ASNS: variants seen among roughly 807,000 people sequenced by gnomAD.
The protein encoded by ASNS is asparagine synthetase [glutamine-hydrolyzing].
ASNS carries 37 observed loss-of-function variants against 62.6 expected under a neutral mutation model. The observed-to-expected ratio is 0.59, with a 90% CI of 0.45 to 0.78. The LOEUF (loss-of-function observed/expected upper bound fraction) is 0.78, where lower values mean the gene tolerates loss of function less well. ASNS is among the 30% of genes least tolerant of loss of function. The probability of loss-of-function intolerance (pLI) is 0.00; values close to 1 mark genes in which losing one functional copy is unlikely to be tolerated. For synonymous variants in ASNS, 207 were observed against 237.9 expected (o/e 0.87, Z 1.19); for missense variants, 520 against 682.4 (o/e 0.76, Z 2.65).
Position 97,854,568 on chromosome 7 carries a change from T to C in ASNS, c.1238+12A>G. 4 of 1,608,124 alleles carry C rather than the reference T, an allele frequency of 2.5e-6. No individual in the cohort carries two copies. The highest frequency in any genetic ancestry group is 3.4e-6 in the Non-Finnish European group (4 of 1,178,652). ...TTTGTTTTTGTTTTACAATAGCCTC[T>C]AAAAATATTACCCATGGGCAGCAGT... is the stretch of plus-strand genomic sequence containing the variant. On this transcript the variant is annotated intron_variant, in intron 10 of 12. Coordinates refer to ENST00000394308, the MANE Select transcript of ASNS (RefSeq NM_001673.5).
the ASNS span, among the ~76,000 whole-genome samples, chr7:97,884,504 G>A: frequency 6.6e-6 from 1 of 152,032 alleles, no homozygotes; most frequent in South Asian, 2.1e-4. Flanking sequence ...AGCCAAGGTC[G>A]CACCACTCCA....
At chr7:97,926,906 G>C in the ASNS span, among the ~76,000 whole-genome samples, 1 of 150,722 alleles carries the variant, frequency 6.6e-6, no homozygotes, top group South Asian at 2.1e-4. Flanking sequence ...GGGTCTGTCT[G>C]TCTCTCTCTC....
chr7:97,893,225 A>G, the ASNS span, among the ~76,000 whole-genome samples: 1 of 152,262 alleles, frequency 6.6e-6, no homozygotes. Flanking sequence ...TAGCATGGGA[A>G]ATACCTGCCT....
the ASNS span, among the ~76,000 whole-genome samples, chr7:97,893,743 C>T: frequency 1.3e-5 from 2 of 152,182 alleles, no homozygotes; most frequent in Admixed American, 1.3e-4. Flanking sequence ...ATTATTAAAT[C>T]TACATGGAGA....
In ASNS at chr7:97,858,475, T is replaced by C. The variant is rs1396563809; in HGVS notation, c.776-70A>G. On this transcript the variant is annotated intron_variant, in intron 6 of 12. Transcript: ENST00000394308. The stretch of plus-strand genomic sequence containing the variant: ...GCATAAGACAGGGACAGAAGATGTA[T>C]ATTCCTGATAAACACCAAGATCATA... 2.6e-6 allele frequency: 4 copies of C among 1,558,202 alleles called. No homozygotes were observed. In the African/African-American group the frequency reaches 5.5e-5, roughly 21 times the overall value.
chr7:97,868,476 G>A (rs1411843284), intron 3 of ASNS, among the ~76,000 whole-genome samples: 1 of 151,736 alleles, frequency 6.6e-6, no homozygotes, highest in Admixed American at 6.6e-5. Flanking sequence ...ATTTAGGAGT[G>A]TCATAATATC....
At chr7:97,859,155 A>C (rs1476089432) in intron 5 of ASNS, 58 bp downstream of exon 5, 8 of 1,544,976 alleles carry the variant, frequency 5.2e-6, no homozygotes, top group Non-Finnish European at 6.1e-6. Flanking sequence ...GGAGAATACA[A>C]CTTAAAATTT....
the ASNS span, among the ~76,000 whole-genome samples, chr7:97,912,165 A>C: frequency 1.8e-4 from 27 of 152,312 alleles, no homozygotes; most frequent in Non-Finnish European, 3.5e-4. Flanking sequence ...AAACCTGCCC[A>C]GGTTCTCCTA....
the ASNS span, among the ~76,000 whole-genome samples, chr7:97,878,419 T>C: frequency 2.2e-4 from 34 of 152,184 alleles, no homozygotes; most frequent in East Asian, 5.4e-3. Flanking sequence ...GCAAACCCCA[T>C]CTCTACTAAA....
At chr7:97,918,418 C>G in the ASNS span, among the ~76,000 whole-genome samples, 1 of 152,026 alleles carries the variant, frequency 6.6e-6, no homozygotes, top group East Asian at 1.9e-4. Context: ...TGGGAAAAGG[C>G]GGAAACCATC....
chr7:97,900,360 CAAAAAA>C, the ASNS span, among the ~76,000 whole-genome samples: 2 of 89,384 alleles, frequency 2.2e-5, no homozygotes, highest in African/African-American at 1.1e-4. Context: ...GACTTTGTCT[CAAAAAA>C]AAAAAAAAAA....
At chr7:97,873,008 G>A (rs1792357021), upstream of ASNS, among the ~76,000 whole-genome samples, 1 of 152,220 alleles carries the variant, frequency 6.6e-6, no homozygotes, top group East Asian at 1.9e-4. Context: ...TTTGAGCCCA[G>A]GCGTTTGAGG....
chr7:97,857,962 C>T (rs143683640), intron 7 of ASNS, among the ~76,000 whole-genome samples: 34 of 152,210 alleles, frequency 2.2e-4, no homozygotes, highest in African/African-American at 8.2e-4. Context: ...AATCTACCTC[C>T]CTCAGCCTCG....
chr7:97,854,558 C>CA, intron 10 of ASNS, 22 bp downstream of exon 10: 2 of 1,601,366 alleles, frequency 1.2e-6, no homozygotes, highest in Non-Finnish European at 1.7e-6. Context: ...TTTTGTTTTA[C>CA]AATAGCCTCT....
the ASNS span, among the ~76,000 whole-genome samples, chr7:97,904,317 C>CAGAG: frequency 1.3e-3 from 191 of 146,626 alleles, 1 homozygote; most frequent in Middle Eastern, 0.014. Flanking sequence ...CACACACACA[C>CAGAG]AGAGAGAGAG....
At position 97,853,297 on chromosome 7, in the gene ASNS, T is replaced by C; in HGVS notation, c.1320+8A>G. ...ATGGACAGTTTTACCTTGAGTTGAT[T>C]TACCTACCTTTGGAATTCTCATTTC... On this transcript the variant is annotated splice_region_variant and intron_variant, in intron 11 of 12. Coordinates refer to ENST00000394308, the MANE Select transcript of ASNS (RefSeq NM_001673.5). 6.2e-7 allele frequency: 1 copy of C among 1,613,792 alleles called. No individual in the cohort carries two copies. Among genetic ancestry groups the C allele is most frequent in the Non-Finnish European group, 8.5e-7 (1 of 1,179,892 alleles).
intron 10 of ASNS, 47 bp from the exon 11 acceptor site, chr7:97,853,433 G>C (rs556311540): frequency 4.7e-6 from 7 of 1,487,854 alleles, no homozygotes; most frequent in Non-Finnish European, 6.5e-6. Context: ...GGTATTTAGT[G>C]CCTGCCAGGT....
the ASNS span, among the ~76,000 whole-genome samples, chr7:97,924,378 C>G: frequency 6.6e-6 from 1 of 152,202 alleles, no homozygotes; most frequent in East Asian, 1.9e-4. Flanking sequence ...ATTACAAGAG[C>G]GCCACGGCAG....
intron 3 of ASNS, among the ~76,000 whole-genome samples, 160 bp from the exon 4 acceptor site, chr7:97,864,656 ACTCAT>A (rs756529215): frequency 6.6e-6 from 1 of 152,220 alleles, no homozygotes; most frequent in Admixed American, 6.5e-5. Context: ...GTTCGCTTCA[ACTCAT>A]ATTCTGCAAA....
Sources: gnomAD v4.1 joint callset for allele counts (sites outside exome capture counted in the v4.1 genomes callset) on GRCh38, gnomAD v4.1.1 for gene constraint, MANE v1.5 for transcripts, NCBI Gene and HGNC (gene_info 2026-07-23, HGNC 2026-07-21) for gene names.